MAPK10: variants seen among roughly 807,000 people sequenced by gnomAD.
MAPK10 encodes the protein mitogen-activated protein kinase 10, also known as JNK3 alpha protein kinase.
MAPK10 carries 25 observed loss-of-function variants against 59.3 expected under a neutral mutation model. The ratio of observed to expected loss-of-function variants is 0.42; its 90% CI spans 0.31 to 0.59. MAPK10 has a LOEUF of 0.59. Ranked by LOEUF, MAPK10 falls within the 20% of genes least tolerant of loss-of-function variation. The pLI is 0.15. For missense variants in MAPK10, 351 were observed against 568.9 expected (o/e 0.62, Z 3.90); for synonymous variants, 190 against 200.5 (o/e 0.95, Z 0.44).
In MAPK10 at chr4:86,026,086, G is replaced by C. The variant is rs142707902; in HGVS notation, c.1252+3111C>G. On this transcript the variant is annotated intron_variant, in intron 13 of 13. Transcript: ENST00000641462. ...ATGTGGTCCTCACTGGGGAGAGAATGGTTGCATATTAAAATCACCCAGAAG... is the reference window on the plus strand; with the variant it reads ...ATGTGGTCCTCACTGGGGAGAGAATCGTTGCATATTAAAATCACCCAGAAG... Among the ~76,000 whole-genome samples the C allele has an allele frequency of 1.3e-3, 198 of 152,266 alleles. 1 individual carries two copies. The highest frequency in any genetic ancestry group is 4.6e-3 in the African/African-American group (193 of 41,534).
intron 6 of MAPK10, 111 bp downstream of exon 6, chr4:86,103,075 C>CTGTGTGTGTCTG (rs2055805348): frequency 2.2e-6 from 1 of 460,298 alleles, no homozygotes; most frequent in African/African-American, 2.4e-5. Context: ...GATTTCAACT[C>CTGTGTGTGTCTG]TGTGTGTGTG....
chr4:86,441,337 C>G (rs1328728423), intron 1 of MAPK10, among the ~76,000 whole-genome samples: 1 of 152,114 alleles, frequency 6.6e-6, no homozygotes, highest in Non-Finnish European at 1.5e-5. Context: ...GCTAAAATAC[C>G]CTTATTCGTA....
chr4:86,454,058 A>G (rs1579280098), upstream of MAPK10, among the ~76,000 whole-genome samples: 3 of 152,320 alleles, frequency 2.0e-5, no homozygotes, highest in South Asian at 6.2e-4. Flanking sequence ...ATCCCTAGGA[A>G]AAGAGGGACA....
At chr4:86,081,536 C>A (rs184804683) in intron 9 of MAPK10, 2 of 151,878 alleles carry the variant, frequency 1.3e-5, no homozygotes, top group African/African-American at 4.8e-5. Context: ...TGTGTTCATT[C>A]TTTGTTTATA....
chr4:86,375,891 A>G (rs545388979), intron 1 of MAPK10, among the ~76,000 whole-genome samples: 10 of 152,210 alleles, frequency 6.6e-5, no homozygotes, highest in African/African-American at 1.7e-4. Context: ...TGTTATTCTA[A>G]TGAAGTGGAT....
At chr4:86,097,050 A>G (rs193297542) in intron 9 of MAPK10, among the ~76,000 whole-genome samples, 30 of 152,162 alleles carry the variant, frequency 2.0e-4, no homozygotes, top group Non-Finnish European at 3.5e-4. Flanking sequence ...AAGAATAAAA[A>G]AAGATATATA....
At chr4:86,391,406 C>G (rs1362772793) in intron 1 of MAPK10, among the ~76,000 whole-genome samples, 1 of 152,150 alleles carries the variant, frequency 6.6e-6, no homozygotes, top group African/African-American at 2.4e-5. Flanking sequence ...TCAGTCTTGT[C>G]ATATCATGCA....
intron 4 of MAPK10, among the ~76,000 whole-genome samples, chr4:86,129,559 C>G (rs2060647919): frequency 6.6e-6 from 1 of 152,134 alleles, no homozygotes; most frequent in Non-Finnish European, 1.5e-5. Context: ...GAAGTTGGCA[C>G]TTTGAGACTA....
intron 2 of MAPK10, among the ~76,000 whole-genome samples, chr4:86,201,095 A>G: frequency 6.6e-6 from 1 of 151,818 alleles, no homozygotes; most frequent in East Asian, 1.9e-4. Flanking sequence ...AGAACATGCA[A>G]CATTTGTCTT....
intron 2 of MAPK10, among the ~76,000 whole-genome samples, chr4:86,323,949 T>C (rs1036637050): frequency 1.3e-5 from 2 of 152,226 alleles, no homozygotes; most frequent in African/African-American, 2.4e-5. Context: ...AATAATTCTC[T>C]GGTACTAACC....
Position 86,102,253 on chromosome 4 carries a change from T to C in MAPK10, c.426-221A>G, listed in dbSNP as rs956926854. 1.2e-5 allele frequency: 5 copies of C among 429,234 alleles called. No individual in the cohort carries two copies. In the South Asian group the frequency reaches 2.6e-4, roughly 23 times the overall value. The allele number at this position is 429,234 out of a possible 1,614,324, so 26.6% of individuals were successfully genotyped here. On this transcript the variant is annotated intron_variant, in intron 6 of 13. Coordinates refer to ENST00000641462, the MANE Select transcript of MAPK10 (RefSeq NM_138982.4). ...AAAGCATTTATTAATGTCTGGTTCA[T>C]GTCCACAGATTTGTTACCTTAATTT...
intron 1 of MAPK10, among the ~76,000 whole-genome samples, chr4:86,387,458 A>G (rs1335278054): frequency 6.6e-6 from 1 of 152,208 alleles, no homozygotes; most frequent in Non-Finnish European, 1.5e-5. Flanking sequence ...AGGTTGTGCA[A>G]GGCATAATAT....
intron 1 of MAPK10, among the ~76,000 whole-genome samples, chr4:86,435,471 T>C (rs1210220269): frequency 6.6e-6 from 1 of 151,890 alleles, no homozygotes; most frequent in African/African-American, 2.4e-5. Flanking sequence ...CACTCCAGCC[T>C]GGGCAACAAG....
chr4:86,262,051 G>A (rs75572524), intron 2 of MAPK10, among the ~76,000 whole-genome samples: 2,165 of 152,254 alleles, frequency 0.014, 68 homozygotes, highest in African/African-American at 0.049. Context: ...ATGATTTGTT[G>A]CGCTATGATT....
chr4:86,062,678 T>C (rs1334768684), intron 11 of MAPK10, among the ~76,000 whole-genome samples: 1 of 152,118 alleles, frequency 6.6e-6, no homozygotes, highest in Non-Finnish European at 1.5e-5. Flanking sequence ...TTTCAGATAA[T>C]ACATATTTAT....
At chr4:86,381,308 T>C (rs771258297) in intron 1 of MAPK10, among the ~76,000 whole-genome samples, 58 of 152,248 alleles carry the variant, frequency 3.8e-4, no homozygotes, top group Non-Finnish European at 4.0e-4. Context: ...CCAAAGGCAA[T>C]GGGAGACACG....
chr4:86,141,250 T>G (rs990152983), intron 4 of MAPK10, among the ~76,000 whole-genome samples: 18 of 152,192 alleles, frequency 1.2e-4, no homozygotes, highest in Non-Finnish European at 8.8e-5. Flanking sequence ...ACTGGTATCT[T>G]ACAAAAAATA....
At chr4:86,038,992 G>A (rs2040927099) in intron 11 of MAPK10, among the ~76,000 whole-genome samples, 1 of 152,074 alleles carries the variant, frequency 6.6e-6, no homozygotes, top group Non-Finnish European at 1.5e-5. Context: ...TGTACTATCC[G>A]TTGATTATTA....
intron 2 of MAPK10, among the ~76,000 whole-genome samples, chr4:86,216,713 A>G (rs2087759890): frequency 6.6e-6 from 1 of 152,050 alleles, no homozygotes; most frequent in African/African-American, 2.4e-5. Flanking sequence ...CCACTTAGCT[A>G]TTTATAAATT....
Sources: allele counts gnomAD v4.1 joint callset (sites outside exome capture counted in the v4.1 genomes callset), GRCh38; gene constraint gnomAD v4.1.1; transcripts MANE v1.5; gene names NCBI Gene and HGNC (gene_info 2026-07-23, HGNC 2026-07-21).